LMBR1: variants seen among roughly 807,000 people sequenced by gnomAD.
LMBR1 encodes limb development membrane protein 1.
A neutral mutation model predicts 73.9 loss-of-function variants in LMBR1; 52 were observed. The ratio of observed to expected loss-of-function variants is 0.70; its 90% CI spans 0.56 to 0.89. The LOEUF (loss-of-function observed/expected upper bound fraction) is 0.89. Ranked by LOEUF, LMBR1 falls within the 40% of genes least tolerant of loss-of-function variation. LMBR1 has a pLI of 0.00. For synonymous variants in LMBR1, 215 were observed against 209.4 expected, an observed-to-expected ratio of 1.03 and a Z score of -0.23; for missense variants, 539 against 579.8, an observed-to-expected ratio of 0.93 and a Z score of 0.72.
intron 4 of LMBR1, among the ~76,000 whole-genome samples, chr7:156,818,820 GA>G (rs1563442853): frequency 1.3e-5 from 2 of 152,090 alleles, no homozygotes; most frequent in Non-Finnish European, 2.9e-5. Context: ...TATAGAAGTG[GA>G]TACTTTATTT....
intron 5 of LMBR1, among the ~76,000 whole-genome samples, chr7:156,773,084 C>CA (rs1056486169): frequency 2.0e-5 from 3 of 150,618 alleles, no homozygotes; most frequent in Non-Finnish European, 3.0e-5. Context: ...AGAATGGCCA[C>CA]AAAAAAATGA....
intron 1 of LMBR1, among the ~76,000 whole-genome samples, chr7:156,866,502 G>C (rs1369240410): frequency 6.6e-6 from 1 of 151,374 alleles, no homozygotes; most frequent in Non-Finnish European, 1.5e-5. Flanking sequence ...TGAAATCCAT[G>C]AGGAATTTCT....
chr7:156,872,840 G>C (rs1015796144), intron 1 of LMBR1, among the ~76,000 whole-genome samples: 1 of 152,158 alleles, frequency 6.6e-6, no homozygotes, highest in Non-Finnish European at 1.5e-5. Flanking sequence ...GTGAACCTTT[G>C]CTCCGGAACT....
chr7:156,851,517 C>T (rs1361043383), intron 1 of LMBR1, among the ~76,000 whole-genome samples: 1 of 152,020 alleles, frequency 6.6e-6, no homozygotes, highest in Non-Finnish European at 1.5e-5. Context: ...ATTTTAGGCC[C>T]AGTAACAAGA....
chr7:156,738,624 C>T (rs1818338103), intron 9 of LMBR1, among the ~76,000 whole-genome samples: 1 of 152,102 alleles, frequency 6.6e-6, no homozygotes. Flanking sequence ...TTTTGGATAC[C>T]AGCTCAGCCA....
Position 156,757,891 on chromosome 7 carries a change from T to C in LMBR1, c.685-1426A>G, listed in dbSNP as rs73741528. Among the ~76,000 whole-genome samples, 998 of 152,280 alleles carry C rather than the reference T, an allele frequency of 6.6e-3. 13 individuals are homozygous for C. Among genetic ancestry groups the C allele is most frequent in the African/African-American group, 0.022 (925 of 41,562 alleles). On this transcript the variant is annotated intron_variant, in intron 8 of 16. Coordinates refer to ENST00000353442, the MANE Select transcript of LMBR1 (RefSeq NM_022458.4). Reference sequence around the variant, plus strand: ...GCACTGAACTCATCACTGGCACACATACCAACTCGATCCTTGAGAAGCCTG... The same window carrying C: ...GCACTGAACTCATCACTGGCACACACACCAACTCGATCCTTGAGAAGCCTG...
At chr7:156,865,392 G>A (rs1344266297) in intron 1 of LMBR1, among the ~76,000 whole-genome samples, 1 of 152,146 alleles carries the variant, frequency 6.6e-6, no homozygotes, top group Non-Finnish European at 1.5e-5. Context: ...AGTCAAACTT[G>A]TACTCTGGAA....
downstream of LMBR1, among the ~76,000 whole-genome samples, chr7:156,675,490 A>T (rs1415316543): frequency 6.6e-6 from 1 of 152,208 alleles, no homozygotes; most frequent in Non-Finnish European, 1.5e-5. Context: ...TCTGGACTCC[A>T]TCAGATAGGG....
chr7:156,676,483 A>AGT (rs202235740), downstream of LMBR1: 9 of 1,613,916 alleles, frequency 5.6e-6, no homozygotes, highest in Middle Eastern at 3.3e-4. Context: ...GCTGGCGGTC[A>AGT]GCGCGTGGGT....
At chr7:156,883,182 C>G in intron 1 of LMBR1, among the ~76,000 whole-genome samples, 1 of 152,176 alleles carries the variant, frequency 6.6e-6, no homozygotes, top group East Asian at 1.9e-4. Context: ...AGGCAGATCA[C>G]CTGAGGTCTG....
In LMBR1 at chr7:156,744,478, T is replaced by C. The variant is rs576109934; in HGVS notation, c.758-10221A>G. ...TGAACTCAAGTCTTTCTTAAGCTCA[T>C]TGATATTTTCTTCTATTTTTTATTT... On this transcript the variant is annotated intron_variant, in intron 9 of 16. Coordinates refer to ENST00000353442, the MANE Select transcript of LMBR1 (RefSeq NM_022458.4). 9.2e-5 allele frequency among the ~76,000 whole-genome samples: 14 copies of C among 152,256 alleles called. No individual in the cohort carries two copies. In the South Asian group the frequency reaches 1.7e-3, roughly 18 times the overall value.
At chr7:156,675,054 T>C (rs899269164), downstream of LMBR1, among the ~76,000 whole-genome samples, 2 of 152,238 alleles carry the variant, frequency 1.3e-5, no homozygotes, top group African/African-American at 2.4e-5. Flanking sequence ...CGGATTTACT[T>C]AGTAAGTCCC....
chr7:156,864,629 T>C (rs1019484308), intron 1 of LMBR1, among the ~76,000 whole-genome samples: 1 of 152,222 alleles, frequency 6.6e-6, no homozygotes, highest in African/African-American at 2.4e-5. Context: ...ACTCCTAATT[T>C]GTGCTCTAGA....
intron 3 of LMBR1, among the ~76,000 whole-genome samples, chr7:156,832,981 G>A (rs1836954382): frequency 1.3e-5 from 2 of 152,300 alleles, no homozygotes; most frequent in African/African-American, 2.4e-5. Context: ...AATGGAGTGT[G>A]AGTGGTACCG....
At chr7:156,890,906 G>C (rs1281312646) in intron 1 of LMBR1, among the ~76,000 whole-genome samples, 2 of 151,984 alleles carry the variant, frequency 1.3e-5, no homozygotes, top group African/African-American at 4.8e-5. Flanking sequence ...AAAGTTCATA[G>C]CCAGCCCGGC....
intron 5 of LMBR1, among the ~76,000 whole-genome samples, chr7:156,794,974 T>C (rs1161572016): frequency 6.6e-6 from 1 of 152,200 alleles, no homozygotes; most frequent in Non-Finnish European, 1.5e-5. Flanking sequence ...TATTCTGGCT[T>C]CTCTGTTGCC....
At chr7:156,733,385 A>C (rs1433061373) in intron 10 of LMBR1, among the ~76,000 whole-genome samples, 1 of 152,228 alleles carries the variant, frequency 6.6e-6, no homozygotes, top group Non-Finnish European at 1.5e-5. Flanking sequence ...TGTTGTCATA[A>C]CTATATTCTA....
chr7:156,802,267 G>C (rs1312507897), intron 4 of LMBR1, among the ~76,000 whole-genome samples: 1 of 152,216 alleles, frequency 6.6e-6, no homozygotes, highest in Non-Finnish European at 1.5e-5. Flanking sequence ...ACAGGCATGG[G>C]CCACCACGCC....
Position 156,755,877 on chromosome 7 carries a change from C to G in LMBR1, c.757+516G>C, listed in dbSNP as rs573149468. On this transcript the variant is annotated intron_variant, in intron 9 of 16. Transcript: ENST00000353442. Reference sequence around the variant, plus strand: ...AGAAAGTAGGTAGATACCTGTTTCTCAGCATTTCATAAACTAACCTTCTAT... The same window carrying G: ...AGAAAGTAGGTAGATACCTGTTTCTGAGCATTTCATAAACTAACCTTCTAT... Among the ~76,000 whole-genome samples, 18 of 152,282 alleles carry G rather than the reference C, an allele frequency of 1.2e-4. No individual in the cohort carries two copies. In the South Asian group the frequency reaches 3.5e-3, roughly 30 times the overall value.
Sources: gnomAD v4.1 joint callset for allele counts (sites outside exome capture counted in the v4.1 genomes callset) on GRCh38, gnomAD v4.1.1 for gene constraint, MANE v1.5 for transcripts, NCBI Gene and HGNC (gene_info 2026-07-23, HGNC 2026-07-21) for gene names.